The following NUP155 variants were observed in gnomAD, a reference collection of about 807,000 sequenced individuals.
NUP155 encodes the protein nuclear pore complex protein Nup155.
Under a neutral mutation model 180.4 loss-of-function variants are expected in NUP155, and 71 were observed. That is an observed-to-expected ratio of 0.39 (90% CI 0.33 to 0.48). The LOEUF is 0.48. Ranked by LOEUF, NUP155 falls within the 20% of genes least tolerant of loss-of-function variation. The pLI is 0.91. For missense variants in NUP155, 1,553 were observed against 1,648.9 expected, an observed-to-expected ratio of 0.94 and a Z score of 1.01; for synonymous variants, 582 against 559.5, an observed-to-expected ratio of 1.04 and a Z score of -0.57.
intron 3 of NUP155, among the ~76,000 whole-genome samples, chr5:37,360,397 A>G (rs1263190042): frequency 6.6e-6 from 1 of 151,980 alleles, no homozygotes; most frequent in Non-Finnish European, 1.5e-5. Flanking sequence ...AGGCAGGGGA[A>G]TTACTTGAAC....
chr5:37,348,641 T>C (rs1746259073), intron 8 of NUP155, 45 bp from the exon 9 acceptor site: 2 of 1,038,888 alleles, frequency 1.9e-6, no homozygotes, highest in Non-Finnish European at 1.5e-6. Context: ...TTATATACTA[T>C]ACACATATTA....
chr5:37,313,010 C>A (rs1190874418), intron 22 of NUP155, among the ~76,000 whole-genome samples: 1 of 152,092 alleles, frequency 6.6e-6, no homozygotes, highest in Non-Finnish European at 1.5e-5. Context: ...GAATAAATTT[C>A]CTCTATATAT....
chr5:37,322,692 G>A (rs1374271904), intron 20 of NUP155, among the ~76,000 whole-genome samples: 2 of 145,194 alleles, frequency 1.4e-5, no homozygotes, highest in African/African-American at 2.6e-5. Context: ...GGGCGACAGA[G>A]CGAGACTCTG....
chr5:37,368,923 G>A (rs560762429), intron 1 of NUP155, among the ~76,000 whole-genome samples: 19 of 152,276 alleles, frequency 1.2e-4, no homozygotes, highest in African/African-American at 4.3e-4. Context: ...GAACACAGAG[G>A]GAGGAATCGA....
chr5:37,329,183 T>C lies in NUP155; in HGVS notation c.1813+7A>G, dbSNP rs1744796175. 6.3e-7 allele frequency: 1 copy of C among 1,598,866 alleles called. No homozygotes were observed. Among genetic ancestry groups the C allele is most frequent in the Non-Finnish European group, 8.6e-7 (1 of 1,166,162 alleles). On this transcript the variant is annotated splice_region_variant and intron_variant, in intron 16 of 34. Coordinates refer to ENST00000231498, the MANE Select transcript of NUP155 (RefSeq NM_153485.3). Reference sequence around the variant, plus strand: ...GAAACAATTTCATTTCAATGTTCCATACTCACTAGAATAGACAGGAGACCC... The same window carrying C: ...GAAACAATTTCATTTCAATGTTCCACACTCACTAGAATAGACAGGAGACCC...
At chr5:37,294,005 C>CAAAAAAAAAAAAAAAAAAAAAAAAA (rs70976294) in intron 33 of NUP155, among the ~76,000 whole-genome samples, 29 of 37,256 alleles carry the variant, frequency 7.8e-4, no homozygotes, top group South Asian at 1.8e-3. Context: ...GACGCCGTCT[C>CAAAAAAAAAAAAAAAAAAAAAAAAA]AAAAAAAAAA....
chr5:37,342,459 G>T (rs1247577605), intron 10 of NUP155, 90 bp downstream of exon 10: 1 of 817,802 alleles, frequency 1.2e-6, no homozygotes, highest in African/African-American at 1.7e-5. Context: ...GATATAGAAG[G>T]AAAAATATAT....
chr5:37,347,903 G>A (rs1746202716), intron 9 of NUP155, among the ~76,000 whole-genome samples: 1 of 152,024 alleles, frequency 6.6e-6, no homozygotes, highest in Admixed American at 6.6e-5. Flanking sequence ...TTGGGAGGTT[G>A]AGGCGGGCGG....
At position 37,288,833 on chromosome 5, in the gene NUP155, G is replaced by C. The variant is rs140491224; in HGVS notation, c.*3067C>G. 12,306 of 148,766 alleles carry C rather than the reference G, an allele frequency of 0.083. 589 individuals are homozygous for C. The highest frequency in any genetic ancestry group is 0.095 in the Non-Finnish European group (6,413 of 67,606). The allele number at this position is 148,766 out of a possible 1,614,324, so 9.2% of individuals were successfully genotyped here. A position where few individuals can be genotyped will look rare whatever the true frequency, so the allele number is the denominator to read the frequency against. ...AATCCCAGCTCTTTGGGAGGCCAAGGGGGGTGGATCACCTGAGGTCAGGAG... is the reference window on the plus strand; with the variant it reads ...AATCCCAGCTCTTTGGGAGGCCAAGCGGGGTGGATCACCTGAGGTCAGGAG... On this transcript the variant is annotated 3_prime_UTR_variant, in exon 35 of 35. Coordinates refer to ENST00000231498, the MANE Select transcript of NUP155 (RefSeq NM_153485.3).
intron 27 of NUP155, among the ~76,000 whole-genome samples, chr5:37,304,479 C>T (rs944102910): frequency 6.6e-6 from 1 of 152,048 alleles, no homozygotes; most frequent in South Asian, 2.1e-4. Flanking sequence ...ATAAGATGAC[C>T]TACAGGACTC....
chr5:37,368,747 G>C (rs1747769784), intron 1 of NUP155, among the ~76,000 whole-genome samples: 1 of 152,100 alleles, frequency 6.6e-6, no homozygotes, highest in African/African-American at 2.4e-5. Context: ...CTGGGAGGTG[G>C]AGGCCGTAGT....
intron 1 of NUP155, among the ~76,000 whole-genome samples, chr5:37,367,845 G>T (rs1307396248): frequency 6.6e-6 from 1 of 152,052 alleles, no homozygotes; most frequent in Non-Finnish European, 1.5e-5. Flanking sequence ...GTACAGTGGC[G>T]CGATCTCGGC....
intron 34 of NUP155, among the ~76,000 whole-genome samples, chr5:37,292,652 A>C (rs1014904857): frequency 5.3e-5 from 8 of 152,210 alleles, no homozygotes; most frequent in African/African-American, 1.9e-4. Context: ...ACTAATCTAA[A>C]GTAGAAGAAA....
At chr5:37,301,366 A>C in intron 30 of NUP155, 71 bp downstream of exon 30, 2 of 964,696 alleles carry the variant, frequency 2.1e-6, no homozygotes, top group Non-Finnish European at 1.7e-6. Flanking sequence ...TGAAACAAAA[A>C]GCAAAATAAA....
intron 20 of NUP155, among the ~76,000 whole-genome samples, chr5:37,320,551 A>G (rs1375911217): frequency 2.0e-5 from 3 of 152,240 alleles, no homozygotes; most frequent in Non-Finnish European, 4.4e-5. Context: ...CTAGACAAGA[A>G]AAGATGGAAA....
In NUP155 at chr5:37,358,160, AAATG is replaced by A; in HGVS notation, c.393-13_393-10del. On this transcript the variant is annotated splice_polypyrimidine_tract_variant and intron_variant, in intron 3 of 34. Transcript: ENST00000231498. ...AATAGGCAAGGTCTCCTCTGTGAAT[AAATG>A]AAGAAAAACATGTTACACATATAAA... is the stretch of plus-strand genomic sequence containing the variant. 1 of 1,598,084 alleles carries A rather than the reference AAATG, an allele frequency of 6.3e-7. No individual in the cohort carries two copies. Among genetic ancestry groups the A allele is most frequent in the Non-Finnish European group, 8.6e-7 (1 of 1,165,586 alleles).
At chr5:37,352,591 T>C (rs1746538331) in intron 5 of NUP155, 146 bp downstream of exon 5, 1 of 652,548 alleles carries the variant, frequency 1.5e-6, no homozygotes, top group Non-Finnish European at 2.8e-6. Context: ...TGTTAACTTG[T>C]GGAAAAGAGC....
chr5:37,357,971 C>T (rs757182559), intron 4 of NUP155, 110 bp downstream of exon 4: 5 of 762,244 alleles, frequency 6.6e-6, no homozygotes, highest in Non-Finnish European at 1.2e-5. Flanking sequence ...CCAGCCTACT[C>T]GATGGAACGA....
chr5:37,366,301 G>T, intron 1 of NUP155, among the ~76,000 whole-genome samples: 1 of 152,094 alleles, frequency 6.6e-6, no homozygotes. Context: ...AAACAATCTT[G>T]AAGTGTATTA....
Sources: gnomAD v4.1 joint callset for allele counts (sites outside exome capture counted in the v4.1 genomes callset) on GRCh38, gnomAD v4.1.1 for gene constraint, MANE v1.5 for transcripts, NCBI Gene and HGNC (gene_info 2026-07-23, HGNC 2026-07-21) for gene names.